Variants in NKIRAS1 observed in about 807,000 individuals in gnomAD.
NKIRAS1 encodes NF-kappa-B inhibitor-interacting Ras-like protein 1.
A neutral mutation model predicts 19.8 loss-of-function variants in NKIRAS1; 16 were observed. That is an observed-to-expected ratio of 0.81 (90% CI 0.55 to 1.23). NKIRAS1 has a LOEUF of 1.23. Ranked by LOEUF, NKIRAS1 falls within the 50% of genes most tolerant of loss-of-function variation. The probability of loss-of-function intolerance (pLI) is 0.00; values close to 1 mark genes in which losing one functional copy is unlikely to be tolerated. For missense variants in NKIRAS1, 184 were observed against 220.0 expected (o/e 0.84, Z 1.04); for synonymous variants, 88 against 79.0 (o/e 1.11, Z -0.61).
Position 23,893,339 on chromosome 3 carries a change from T to G in NKIRAS1, c.337-2A>C. 1 of 1,612,442 alleles carries G rather than the reference T, an allele frequency of 6.2e-7. No homozygotes were observed. The highest frequency in any genetic ancestry group is 8.5e-7 in the Non-Finnish European group (1 of 1,179,296). ...GTTTCCTAATACCACAATTGCTACC[T>G]GAAAGAAAACGGATTGAAAAGATCA... On this transcript the variant is annotated splice_acceptor_variant, in intron 4 of 4. Transcript: ENST00000425478. LOFTEE classifies it high-confidence loss of function.
chr3:23,928,094 TAC>T (rs1705239648), intron 1 of NKIRAS1, among the ~76,000 whole-genome samples: 1 of 117,648 alleles, frequency 8.5e-6, no homozygotes, highest in Non-Finnish European at 1.7e-5. Context: ...TCTCTCTCTC[TAC>T]ACACCACACA....
chr3:23,913,101 T>C (rs993180861), intron 1 of NKIRAS1, among the ~76,000 whole-genome samples: 1 of 149,400 alleles, frequency 6.7e-6, no homozygotes, highest in African/African-American at 2.5e-5. Flanking sequence ...CACTCATTGA[T>C]AATATGATTA....
intron 3 of NKIRAS1, 83 bp downstream of exon 3, chr3:23,910,728 A>T (rs1323424191): frequency 3.1e-6 from 3 of 953,786 alleles, no homozygotes; most frequent in Non-Finnish European, 3.4e-6. Context: ...TGTACCATCA[A>T]CCACCTTTAG....
rs1705216032 is a variant in NKIRAS1 at position 23,926,492 on chromosome 3, C to G, written c.-139-15042G>C. Among the ~76,000 whole-genome samples the G allele has an allele frequency of 6.6e-6, 1 of 152,140 alleles. No homozygotes were observed. Among genetic ancestry groups the G allele is most frequent in the Non-Finnish European group, 1.5e-5 (1 of 68,010 alleles). On this transcript the variant is annotated intron_variant, in intron 1 of 4. Transcript: ENST00000421515. This position sits in a 1 kb window ranked among gnomAD's most constrained non-coding sequence, Gnocchi z 4.3. ...TCTTCCTCTTTCTCTCCTTCTCTTTCCTCTTCCTCTTCTTCCTCTTCTTTT... is the reference window on the plus strand; with the variant it reads ...TCTTCCTCTTTCTCTCCTTCTCTTTGCTCTTCCTCTTCTTCCTCTTCTTTT...
Position 23,893,256 on chromosome 3 carries a change from T to C in NKIRAS1, c.418A>G (p.Lys140Glu). ...TCCCACAGTCTTACTTTCTCACTTT[T>C]TGCCCACTGCTGTGCCACTTCAGCG... ...VDAEVAQQWA[K>E]SEKVRLWEVT... The change falls in exon 5 of 5, where the codon AAA (lysine) becomes GAA (glutamate). Residue 140 changes from lysine to glutamate, a missense_variant. By Grantham distance (56) the Lys-to-Glu change is moderately conservative (BLOSUM62 1). Coordinates refer to ENST00000425478, the MANE Select transcript of NKIRAS1 (RefSeq NM_020345.4). 3 of 1,614,210 alleles carry C rather than the reference T, an allele frequency of 1.9e-6. No homozygotes were observed. The highest frequency in any genetic ancestry group is 2.5e-6 in the Non-Finnish European group (3 of 1,180,026).
intron 3 of NKIRAS1, among the ~76,000 whole-genome samples, chr3:23,905,819 G>A (rs1231012500): frequency 1.4e-5 from 2 of 147,914 alleles, no homozygotes; most frequent in East Asian, 3.9e-4. Flanking sequence ...AAAGGTATAA[G>A]CCAAAAGAAG....
chr3:23,916,736 A>AGACGCGGG (rs1704549507), intron 1 of NKIRAS1, 48 bp downstream of exon 1: 1 of 152,634 alleles, frequency 6.6e-6, no homozygotes, highest in African/African-American at 2.4e-5. Flanking sequence ...GGAGACGCGG[A>AGACGCGGG]GACGCAGAGA....
intron 3 of NKIRAS1, among the ~76,000 whole-genome samples, chr3:23,909,667 T>C (rs1031243477): frequency 6.6e-6 from 1 of 152,210 alleles, no homozygotes; most frequent in African/African-American, 2.4e-5. Flanking sequence ...CCAGAGATGC[T>C]ATCTTCACCT....
rs556305938 is a variant in NKIRAS1, at chr3:23,936,661, C to T, written c.-140+9662G>A. ...TCCTGGGTTCAAGCGATTCTCCTGCCTCAGCCTCCTGAGTAGCTGGGACCA... is the reference window on the plus strand; with the variant it reads ...TCCTGGGTTCAAGCGATTCTCCTGCTTCAGCCTCCTGAGTAGCTGGGACCA... On this transcript the variant is annotated intron_variant, in intron 1 of 4. Transcript: ENST00000421515. Among the ~76,000 whole-genome samples the T allele has an allele frequency of 2.0e-5, 3 of 152,304 alleles. No individual in the cohort carries two copies. In the South Asian group the frequency reaches 6.2e-4, roughly 32 times the overall value.
At chr3:23,929,408 T>C (rs1705267554) in intron 1 of NKIRAS1, among the ~76,000 whole-genome samples, 2 of 152,086 alleles carry the variant, frequency 1.3e-5, no homozygotes, top group South Asian at 2.1e-4. Flanking sequence ...TGTTTTGGAC[T>C]ACCTGAAAAA....
intron 1 of NKIRAS1, among the ~76,000 whole-genome samples, chr3:23,931,111 G>A (rs1273900396): frequency 6.6e-6 from 1 of 152,156 alleles, no homozygotes; most frequent in African/African-American, 2.4e-5. Context: ...TATGTATGCA[G>A]CCTGATACAG....
At chr3:23,920,400 T>G (rs1361441832), upstream of NKIRAS1, 9 of 985,316 alleles carry the variant, frequency 9.1e-6, no homozygotes, top group African/African-American at 1.6e-4. Context: ...CATATGTGTT[T>G]TCTGCAGTTA....
At chr3:23,898,092 G>A (rs1392298335) in intron 4 of NKIRAS1, among the ~76,000 whole-genome samples, 1 of 152,004 alleles carries the variant, frequency 6.6e-6, no homozygotes, top group African/African-American at 2.4e-5. Flanking sequence ...CAACTTTTGT[G>A]GGGCAGAGAG....
Position 23,922,061 on chromosome 3 carries a change from A to C in NKIRAS1, c.-139-10611T>G. On this transcript the variant is annotated intron_variant, in intron 1 of 4. Coordinates refer to the NKIRAS1 transcript ENST00000421515. The surrounding 1 kb of genome is among the most constrained non-coding windows in gnomAD (Gnocchi z 4.2). ...CTGGGTGCGGTGGCTCACGCCTGCA[A>C]TCCCAACACTTTCGGTAACCAAGGT... is the stretch of plus-strand genomic sequence containing the variant. The C allele has an allele frequency of 6.4e-6, 1 of 155,998 alleles. No individual in the cohort carries two copies. 9.7% of individuals were successfully genotyped at this position (155,998 alleles called of 1,614,324 possible). A position where few individuals can be genotyped will look rare whatever the true frequency, so the allele number is the denominator to read the frequency against.
intron 1 of NKIRAS1, among the ~76,000 whole-genome samples, chr3:23,937,639 T>C (rs567947777): frequency 1.3e-5 from 2 of 152,082 alleles, no homozygotes; most frequent in South Asian, 2.1e-4. Context: ...AATGAGGCAT[T>C]TCATATAGCA....
Position 23,930,999 on chromosome 3 carries a change from A to C in NKIRAS1, c.-140+15324T>G, listed in dbSNP as rs62255353. Among the ~76,000 whole-genome samples the C allele has an allele frequency of 6.6e-3, 1,009 of 152,274 alleles. 1 individual carries two copies. Among genetic ancestry groups the C allele is most frequent in the Middle Eastern group, 0.02 (6 of 294 alleles). On this transcript the variant is annotated intron_variant, in intron 1 of 4. Transcript: ENST00000421515. ...GCCAGCCAAAATAAAGGTAACCTACAATAAAACAATATGTATTTCAATATG... is the reference window on the plus strand; with the variant it reads ...GCCAGCCAAAATAAAGGTAACCTACCATAAAACAATATGTATTTCAATATG...
intron 4 of NKIRAS1, among the ~76,000 whole-genome samples, chr3:23,900,560 G>T (rs1446060690): frequency 6.6e-6 from 1 of 151,662 alleles, no homozygotes; most frequent in Non-Finnish European, 1.5e-5. Flanking sequence ...GCTTGTACCC[G>T]GGAGGCGGAG....
exon 1 of NKIRAS1, chr3:23,946,394 GT>G (rs1312600109): frequency 8.4e-6 from 6 of 718,502 alleles, no homozygotes; most frequent in Non-Finnish European, 1.0e-5. Context: ...CGGGGAAGGC[GT>G]GGGGCTTTCC....
At chr3:23,902,866 G>A (rs1421344054) in intron 3 of NKIRAS1, among the ~76,000 whole-genome samples, 2 of 152,204 alleles carry the variant, frequency 1.3e-5, no homozygotes, top group African/African-American at 4.8e-5. Flanking sequence ...TAAGTGACAT[G>A]CCTGCGCACA....
Sources: gnomAD v4.1 joint callset for allele counts (sites outside exome capture counted in the v4.1 genomes callset) on GRCh38, gnomAD v4.1.1 for gene constraint, Gnocchi (gnomAD v3.1) non-coding constraint, MANE v1.5 for transcripts, NCBI Gene and HGNC (gene_info 2026-07-23, HGNC 2026-07-21) for gene names.